Variants in RELN observed in about 807,000 individuals in gnomAD.
RELN encodes reelin.
RELN carries 108 observed loss-of-function variants against 427.6 expected under a neutral mutation model. The observed-to-expected ratio is 0.25, with a 90% CI of 0.22 to 0.30. The LOEUF (loss-of-function observed/expected upper bound fraction) is 0.30. RELN is among the 10% of genes least tolerant of loss of function. RELN has a pLI of 1.00. For synonymous variants in RELN, 1,524 were observed against 1,513.4 expected, an observed-to-expected ratio of 1.01 and a Z score of -0.16; for missense variants, 3,715 against 4,302.8, an observed-to-expected ratio of 0.86 and a Z score of 3.82.
At chr7:103,494,155 A>G (rs1452179438) in intron 57 of RELN, among the ~76,000 whole-genome samples, 1 of 152,146 alleles carries the variant, frequency 6.6e-6, no homozygotes, top group Non-Finnish European at 1.5e-5. Context: ...AATACTCCTG[A>G]AGGAGTGGTA....
chr7:103,575,277 G>A (rs1422031627), intron 29 of RELN, among the ~76,000 whole-genome samples: 1 of 152,216 alleles, frequency 6.6e-6, no homozygotes, highest in Non-Finnish European at 1.5e-5. Context: ...CATGAAGTAG[G>A]ACCTCAAGCA....
rs934912819 is a variant in RELN, at chr7:103,561,477, G to A, written c.5529+55C>T. Reference sequence around the variant, plus strand: ...AATCCATTTGTGTTGAGCAGTGACTGAAGAAGACAATGTTAGTAGTAATGT... The same window carrying A: ...AATCCATTTGTGTTGAGCAGTGACTAAAGAAGACAATGTTAGTAGTAATGT... On this transcript the variant is annotated intron_variant, in intron 36 of 64. Transcript: ENST00000428762. 5.4e-6 allele frequency: 7 copies of A among 1,298,342 alleles called. No homozygotes were observed. The African/African-American group carries it at 1.0e-4, about 19-fold the overall frequency. The allele number at this position is 1,298,342 out of a possible 1,614,324, so 80.4% of individuals were successfully genotyped here. A position where few individuals can be genotyped will look rare whatever the true frequency, so the allele number is the denominator to read the frequency against.
intron 51 of RELN, among the ~76,000 whole-genome samples, chr7:103,505,697 C>T (rs1349685784): frequency 1.3e-5 from 2 of 152,198 alleles, no homozygotes; most frequent in Non-Finnish European, 2.9e-5. Context: ...AGGATCACAA[C>T]TCCTCGCCAG....
intron 8 of RELN, among the ~76,000 whole-genome samples, chr7:103,714,329 C>T (rs1789882436): frequency 6.6e-6 from 1 of 152,148 alleles, no homozygotes; most frequent in South Asian, 2.1e-4. Flanking sequence ...TATTACCTTA[C>T]TGTACATCAT....
chr7:103,521,691 C>T (rs1279101270), intron 48 of RELN, among the ~76,000 whole-genome samples: 1 of 152,134 alleles, frequency 6.6e-6, no homozygotes, highest in East Asian at 1.9e-4. Flanking sequence ...TTAAATATGA[C>T]CTGTGCTGAC....
chr7:103,746,725 C>G (rs1265340105), intron 6 of RELN, among the ~76,000 whole-genome samples: 1 of 151,410 alleles, frequency 6.6e-6, no homozygotes, highest in Non-Finnish European at 1.5e-5. Flanking sequence ...TACCATCTCA[C>G]ACCAGTTAGA....
rs569617652 is a variant in RELN, at chr7:103,532,027, C to G, written c.7349+3289G>C. Among the ~76,000 whole-genome samples, 11 of 152,214 alleles carry G rather than the reference C, an allele frequency of 7.2e-5. No homozygotes were observed. The South Asian group carries it at 2.3e-3, about 32-fold the overall frequency. ...GCAGCAGTATTCACAATAACAAAGA[C>G]ATGGAATCAACCTAATAGCCCATCA... On this transcript the variant is annotated intron_variant, in intron 46 of 64. Transcript: ENST00000428762.
chr7:103,634,063 A>G (rs1387814818), intron 19 of RELN, among the ~76,000 whole-genome samples: 3 of 152,164 alleles, frequency 2.0e-5, no homozygotes, highest in Admixed American at 2.0e-4. Flanking sequence ...TTCATTTTCT[A>G]TGAAAATAAA....
intron 2 of RELN, among the ~76,000 whole-genome samples, chr7:103,860,146 T>A (rs925376727): frequency 6.6e-6 from 1 of 152,202 alleles, no homozygotes; most frequent in African/African-American, 2.4e-5. Context: ...TATTCCCAGA[T>A]GTTTCTATCA....
rs564754544 is a variant in RELN at position 103,496,420 on chromosome 7, TG to T, written c.9193+105del. On this transcript the variant is annotated intron_variant, in intron 56 of 64. Transcript: ENST00000428762. ...AGCTAACATTTGTTGAGCAGGAGTA[TG>T]GGCTAGGCACTCTTATAAATGCTTT... 1.6e-3 allele frequency: 2,286 copies of T among 1,447,788 alleles called. 6 individuals are homozygous for T. The highest frequency in any genetic ancestry group is 2.1e-3 in the Non-Finnish European group (2,206 of 1,031,624). 89.7% of individuals were successfully genotyped at this position (1,447,788 alleles called of 1,614,324 possible).
intron 1 of RELN, among the ~76,000 whole-genome samples, chr7:103,987,661 G>A (rs1378507655): frequency 6.6e-6 from 1 of 152,140 alleles, no homozygotes; most frequent in African/African-American, 2.4e-5. Context: ...CAGGCTTTGG[G>A]TTAGGTCTGG....
chr7:103,566,920 C>T (rs1164445651), intron 31 of RELN, among the ~76,000 whole-genome samples, 161 bp from the exon 32 acceptor site: 1 of 151,788 alleles, frequency 6.6e-6, no homozygotes, highest in Non-Finnish European at 1.5e-5. Flanking sequence ...CCTGAAGGCT[C>T]ATCAATTTTT....
chr7:103,827,842 A>G (rs1238867338), intron 3 of RELN, among the ~76,000 whole-genome samples: 2 of 152,092 alleles, frequency 1.3e-5, no homozygotes, highest in African/African-American at 4.8e-5. Context: ...TTTAAAAGAA[A>G]GATGAAATTT....
intron 59 of RELN, 102 bp from the exon 60 acceptor site, chr7:103,490,001 G>T: frequency 7.2e-7 from 1 of 1,394,940 alleles, no homozygotes; most frequent in South Asian, 1.2e-5. Flanking sequence ...GTGAGAAAAG[G>T]GCTTCCCAAA....
intron 1 of RELN, among the ~76,000 whole-genome samples, chr7:103,929,833 G>A (rs1214012691): frequency 6.6e-6 from 1 of 152,230 alleles, no homozygotes; most frequent in Non-Finnish European, 1.5e-5. Context: ...GCTGGCACAA[G>A]CATTTGACTT....
chr7:103,815,346 T>C (rs925761048), intron 3 of RELN, among the ~76,000 whole-genome samples: 3 of 152,226 alleles, frequency 2.0e-5, no homozygotes, highest in African/African-American at 7.2e-5. Context: ...AATAAATCTT[T>C]GCTCACTGAT....
chr7:103,950,987 G>A (rs1262263572), intron 1 of RELN, among the ~76,000 whole-genome samples: 15 of 152,162 alleles, frequency 9.9e-5, no homozygotes, highest in Admixed American at 9.8e-4. Flanking sequence ...GGAGTGCAGT[G>A]GCATGATTAT....
rs542792937 is a variant in RELN, at chr7:103,603,214, A to G, written c.3333+90T>C. The G allele has an allele frequency of 1.8e-6, 2 of 1,088,784 alleles. No homozygotes were observed. The highest frequency in any genetic ancestry group is 1.5e-5 in the African/African-American group (1 of 64,872). The allele number at this position is 1,088,784 out of a possible 1,614,324, so 67.4% of individuals were successfully genotyped here. ...AAAAGCGGGGAACGTGGGGAACAATAGAACCACTTCATATTTGTACATTTG... is the reference window on the plus strand; with the variant it reads ...AAAAGCGGGGAACGTGGGGAACAATGGAACCACTTCATATTTGTACATTTG... On this transcript the variant is annotated intron_variant, in intron 24 of 64. Transcript: ENST00000428762. This position sits in a 1 kb window ranked among gnomAD's most constrained non-coding sequence, Gnocchi z 4.3.
intron 3 of RELN, among the ~76,000 whole-genome samples, chr7:103,796,743 C>G (rs997890780): frequency 1.3e-5 from 2 of 151,830 alleles, no homozygotes; most frequent in East Asian, 3.9e-4. Flanking sequence ...TGCCTGTAAT[C>G]CTAGCTACTC....
Sources: allele counts gnomAD v4.1 joint callset (sites outside exome capture counted in the v4.1 genomes callset), GRCh38; gene constraint gnomAD v4.1.1; non-coding constraint Gnocchi (gnomAD v3.1); transcripts MANE v1.5; gene names NCBI Gene and HGNC (gene_info 2026-07-23, HGNC 2026-07-21).